The following KIAA0319L variants were observed in gnomAD, a reference collection of about 807,000 sequenced individuals.
The protein encoded by KIAA0319L is dyslexia-associated protein KIAA0319-like protein.
In KIAA0319L, 55 loss-of-function variants were observed where a neutral mutation model predicts 120.1. That is an observed-to-expected ratio of 0.46 (90% confidence interval 0.37 to 0.57). KIAA0319L has a LOEUF of 0.57. Ranked by LOEUF, KIAA0319L falls within the 20% of genes least tolerant of loss-of-function variation. The pLI is 0.00. For missense variants in KIAA0319L, 1,049 were observed against 1,255.3 expected (o/e 0.84, Z 2.48); for synonymous variants, 398 against 471.9 (o/e 0.84, Z 2.03).
rs1263603257 is a variant in KIAA0319L, at chr1:35,442,999, G to A, written c.2686C>T (p.His896Tyr). 6.2e-7 allele frequency: 1 copy of A among 1,614,170 alleles called. No individual in the cohort carries two copies. Among genetic ancestry groups the A allele is most frequent in the Admixed American group, 1.7e-5 (1 of 60,020 alleles). ...TCQLNCSDHG[H>Y]CDSFTKRCIC... ...CAGCGTTTGGTGAACGAGTCACAGT[G>A]GCCATGGTCGGAACAGTTCAGCTGA... Residue 896 changes from histidine (H) to tyrosine (Y), a missense_variant, in exon 18 of 21, where the codon CAC (histidine) becomes TAC (tyrosine). Transcript: ENST00000325722.
intron 2 of KIAA0319L, among the ~76,000 whole-genome samples, chr1:35,523,278 T>C (rs757250847): frequency 1.3e-5 from 2 of 152,168 alleles, no homozygotes; most frequent in Non-Finnish European, 2.9e-5. Flanking sequence ...TCTTTGCCCC[T>C]CACTACACTG....
intron 2 of KIAA0319L, among the ~76,000 whole-genome samples, chr1:35,522,500 G>A (rs1645964718): frequency 6.6e-6 from 1 of 152,022 alleles, no homozygotes; most frequent in East Asian, 2.0e-4. Flanking sequence ...GGCTGGTCTC[G>A]AACTCCTGAC....
chr1:35,462,829 T>C, intron 7 of KIAA0319L, 116 bp from the exon 8 acceptor site: 6 of 829,178 alleles, frequency 7.2e-6, no homozygotes, highest in East Asian at 5.3e-5. Flanking sequence ...CCTAGCCTTT[T>C]TGGCACCAGG....
chr1:35,541,407 T>C (rs1646787906), intron 2 of KIAA0319L, among the ~76,000 whole-genome samples: 1 of 142,692 alleles, frequency 7.0e-6, no homozygotes, highest in Admixed American at 7.6e-5. Flanking sequence ...TGGAGTGCAA[T>C]GGTGCAATCT....
In KIAA0319L at chr1:35,449,821, G is replaced by A. The variant is rs749039673; in HGVS notation, c.2353+46C>T. Reference sequence around the variant, plus strand: ...GGATCTCAGGATAGAGGCCTTGATTGGCTGATTCAGCAATTCTACTCAGCC... The same window carrying A: ...GGATCTCAGGATAGAGGCCTTGATTAGCTGATTCAGCAATTCTACTCAGCC... On this transcript the variant is annotated intron_variant, in intron 15 of 20. Coordinates refer to ENST00000325722, the MANE Select transcript of KIAA0319L (RefSeq NM_024874.5). 59 of 1,606,512 alleles carry A rather than the reference G, an allele frequency of 3.7e-5. No individual in the cohort carries two copies. The East Asian group carries it at 1.3e-3, about 35-fold the overall frequency.
At chr1:35,505,577 A>G (rs145862939) in intron 3 of KIAA0319L, among the ~76,000 whole-genome samples, 1 of 152,344 alleles carries the variant, frequency 6.6e-6, no homozygotes, top group African/African-American at 2.4e-5. Flanking sequence ...GAGGGAATGA[A>G]CCATTCTTAT....
rs113130681 is a variant in KIAA0319L at position 35,507,193 on chromosome 1, A to G, written c.143-58T>C. On this transcript the variant is annotated intron_variant, in intron 2 of 20. Coordinates refer to ENST00000325722, the MANE Select transcript of KIAA0319L (RefSeq NM_024874.5). ...AAATAAAAACAGAGACTACTGCTCC[A>G]TAAAGAGCCCTGAGAACCAACATTT... 2.0e-6 allele frequency: 3 copies of G among 1,474,624 alleles called. No individual in the cohort carries two copies. The Admixed American group carries it at 7.3e-5, about 36-fold the overall frequency. The allele number at this position is 1,474,624 out of a possible 1,614,324, so 91.3% of individuals were successfully genotyped here.
At position 35,466,668 on chromosome 1, in the gene KIAA0319L, C is replaced by T. The variant is rs763881799; in HGVS notation, c.1141G>A (p.Val381Met). 1 of 1,613,540 alleles carries T rather than the reference C, an allele frequency of 6.2e-7. No homozygotes were observed. ...TGGGCATTTTGACCCTCTACAATCA[C>T]TTTGAATTCATACAGGCCTGGAGTG... ...KLTPGLYEFK[V>M]IVEGQNAHGE... Residue 381 changes from valine to methionine, a missense_variant, in exon 7 of 21, where the codon GTG (valine) becomes ATG (methionine). Physicochemically the swap from Val to Met is conservative, Grantham distance 21 (BLOSUM62 1). Coordinates refer to ENST00000325722, the MANE Select transcript of KIAA0319L (RefSeq NM_024874.5).
At chr1:35,486,737 C>CAAA (rs4045085) in intron 3 of KIAA0319L, among the ~76,000 whole-genome samples, 5 of 86,938 alleles carry the variant, frequency 5.8e-5, no homozygotes, top group East Asian at 3.3e-4. Context: ...CCCATTTCTA[C>CAAA]AAAAAAAAAA....
At chr1:35,455,573 A>AATTT in intron 10 of KIAA0319L, among the ~76,000 whole-genome samples, 1 of 93,466 alleles carries the variant, frequency 1.1e-5, no homozygotes, top group Admixed American at 1.3e-4. Flanking sequence ...ATTTAAGATA[A>AATTT]TTTTTTTTTT....
At chr1:35,483,722 T>G (rs528917360) in intron 3 of KIAA0319L, among the ~76,000 whole-genome samples, 1 of 152,186 alleles carries the variant, frequency 6.6e-6, no homozygotes, top group Non-Finnish European at 1.5e-5. Flanking sequence ...CTGTATAACA[T>G]GGTTATATTT....
At chr1:35,512,871 C>CAA (rs746942793) in intron 2 of KIAA0319L, among the ~76,000 whole-genome samples, 2,476 of 48,032 alleles carry the variant, frequency 0.052, 143 homozygotes, top group African/African-American at 0.11. Context: ...GACTCCATCT[C>CAA]AAAAAAAAAA....
intron 3 of KIAA0319L, among the ~76,000 whole-genome samples, chr1:35,493,411 T>C (rs1428509195): frequency 1.3e-5 from 2 of 151,816 alleles, no homozygotes; most frequent in Admixed American, 6.6e-5. Flanking sequence ...GAGGAGGAGG[T>C]GCAAAAAAAT....
At position 35,453,517 on chromosome 1, in the gene KIAA0319L, G is replaced by A. The variant is rs1479075079; in HGVS notation, c.1913+40C>T. 3 of 1,607,524 alleles carry A rather than the reference G, an allele frequency of 1.9e-6. No individual in the cohort carries two copies. The highest frequency in any genetic ancestry group is 2.2e-5 in the East Asian group (1 of 44,852). On this transcript the variant is annotated intron_variant, in intron 12 of 20. Coordinates refer to ENST00000325722, the MANE Select transcript of KIAA0319L (RefSeq NM_024874.5). This position sits in a 1 kb window ranked among gnomAD's most constrained non-coding sequence, Gnocchi z 4.1. ...ATAAAACCTTGCTCTTCCAAGGTCT[G>A]GAGGCTTTGCAAAAATAAGGATTTT...
intron 16 of KIAA0319L, among the ~76,000 whole-genome samples, 169 bp downstream of exon 16, chr1:35,448,004 G>A (rs748878036): frequency 6.6e-6 from 1 of 152,180 alleles, no homozygotes; most frequent in Non-Finnish European, 1.5e-5. Flanking sequence ...CTAGTACAGC[G>A]CATGTCACCT....
chr1:35,513,238 T>TTA lies in KIAA0319L; in HGVS notation c.143-6105_143-6104dup, dbSNP rs1259848629. On this transcript the variant is annotated intron_variant, in intron 2 of 20. Transcript: ENST00000325722. ...AGAATATGTTACAAATGATTTTGAT[T>TTA]TATATATATATAAATCATATCTATA... 4.0e-4 allele frequency among the ~76,000 whole-genome samples: 59 copies of TTA among 146,538 alleles called. 1 individual carries two copies. The highest frequency in any genetic ancestry group is 1.3e-3 in the South Asian group (6 of 4,698).
At chr1:35,518,931 G>A (rs898337785) in intron 2 of KIAA0319L, among the ~76,000 whole-genome samples, 7 of 149,596 alleles carry the variant, frequency 4.7e-5, no homozygotes, top group Non-Finnish European at 8.9e-5. Flanking sequence ...TTGAACCCAG[G>A]AGGCGGAGGT....
intron 2 of KIAA0319L, among the ~76,000 whole-genome samples, chr1:35,543,165 T>C (rs954960932): frequency 6.6e-6 from 1 of 152,214 alleles, no homozygotes; most frequent in Non-Finnish European, 1.5e-5. Flanking sequence ...CTTATGTCAA[T>C]TAAATCGTGA....
intron 2 of KIAA0319L, among the ~76,000 whole-genome samples, chr1:35,538,165 C>T (rs1288345093): frequency 2.0e-5 from 3 of 152,082 alleles, no homozygotes; most frequent in African/African-American, 7.2e-5. Context: ...TCTCTAATGG[C>T]AGGAACTTGG....
Sources: gnomAD v4.1 joint callset for allele counts (sites outside exome capture counted in the v4.1 genomes callset) on GRCh38, gnomAD v4.1.1 for gene constraint, Gnocchi (gnomAD v3.1) non-coding constraint, MANE v1.5 for transcripts, NCBI Gene and HGNC (gene_info 2026-07-23, HGNC 2026-07-21) for gene names.